The following HNF4A variants were observed in gnomAD, a reference collection of about 807,000 sequenced individuals.
The protein encoded by HNF4A is hepatocyte nuclear factor 4-alpha.
In HNF4A, 15 loss-of-function variants were observed where a neutral mutation model predicts 52.4. The ratio of observed to expected loss-of-function variants is 0.29; its 90% CI spans 0.19 to 0.44. The LOEUF (loss-of-function observed/expected upper bound fraction) is 0.44. Ranked by LOEUF, HNF4A falls within the 20% of genes least tolerant of loss-of-function variation. The probability of loss-of-function intolerance (pLI) is 1.00; values close to 1 mark genes in which losing one functional copy is unlikely to be tolerated. For synonymous variants in HNF4A, 280 were observed against 264.4 expected, an observed-to-expected ratio of 1.06 and a Z score of -0.57; for missense variants, 479 against 647.2, an observed-to-expected ratio of 0.74 and a Z score of 2.82.
chr20:44,410,910 G>T (rs1299375398), intron 3 of HNF4A, among the ~76,000 whole-genome samples: 2 of 152,020 alleles, frequency 1.3e-5, no homozygotes, highest in Non-Finnish European at 2.9e-5. Flanking sequence ...CACAGAGAGG[G>T]GCTTCAGGTC....
At chr20:44,390,449 C>T (rs2063288173) in intron 1 of HNF4A, 2 of 584,084 alleles carry the variant, frequency 3.4e-6, no homozygotes, top group Non-Finnish European at 3.1e-6. Context: ...TTGCATGGAT[C>T]CTGGACAGGT....
chr20:44,406,958 G>A (rs1302935377), intron 2 of HNF4A, among the ~76,000 whole-genome samples: 1 of 152,176 alleles, frequency 6.6e-6, no homozygotes, highest in Non-Finnish European at 1.5e-5. Flanking sequence ...CCACGGTGTG[G>A]CACTGCCTCT....
At chr20:44,367,073 C>G (rs369106265) in intron 1 of HNF4A, among the ~76,000 whole-genome samples, 1 of 152,170 alleles carries the variant, frequency 6.6e-6, no homozygotes, top group African/African-American at 2.4e-5. Flanking sequence ...CGGTGGCTCA[C>G]GCCTGTAATC....
chr20:44,413,857 C>A, intron 4 of HNF4A, 57 bp downstream of exon 4: 1 of 1,107,110 alleles, frequency 9.0e-7, no homozygotes, highest in Admixed American at 1.9e-5. Context: ...GAGGAGCTCA[C>A]CTCCTCCACC....
At chr20:44,417,049 C>T (rs774427476) in intron 5 of HNF4A, among the ~76,000 whole-genome samples, 7 of 152,234 alleles carry the variant, frequency 4.6e-5, no homozygotes, top group Non-Finnish European at 8.8e-5. Flanking sequence ...CCTTGTCTCT[C>T]GTTTTTAAAC....
chr20:44,362,528 C>T (rs546976938), intron 1 of HNF4A, among the ~76,000 whole-genome samples: 2 of 150,672 alleles, frequency 1.3e-5, no homozygotes, highest in East Asian at 3.9e-4. Flanking sequence ...TCAATGATAA[C>T]GAAAGGAATT....
In HNF4A at chr20:44,414,555, A is replaced by T. The variant is rs1367387825; in HGVS notation, c.541A>T (p.Ile181Phe). The change falls in exon 5 of 10, where the codon ATT becomes TTT. Residue 181 changes from isoleucine to phenylalanine, a missense_variant. Physicochemically the swap from Ile to Phe is conservative, Grantham distance 21 (BLOSUM62 0). This residue lies in a region of HNF4A where 389 missense variants were observed against 525.1 expected (regional missense o/e 0.74). Coordinates refer to ENST00000316099, the MANE Select transcript of HNF4A (RefSeq NM_000457.6). ...CAACGGCGACATTCGGGCGAAGAAG[A>T]TTGCCAGCATCGCAGATGTGTGTGA... The T allele has an allele frequency of 6.2e-7, 1 of 1,614,204 alleles. No homozygotes were observed.
upstream of HNF4A, chr20:44,401,165 G>A (rs530469414): frequency 5.6e-6 from 8 of 1,439,992 alleles, no homozygotes; most frequent in Admixed American, 7.2e-5. Flanking sequence ...GCGGGGGACC[G>A]ATTAACCATT....
At chr20:44,392,583 A>G (rs7263303) in intron 1 of HNF4A, among the ~76,000 whole-genome samples, 11,735 of 152,174 alleles carry the variant, frequency 0.077, 733 homozygotes, top group African/African-American at 0.18. Context: ...GGTTCAAGTA[A>G]ACCTCCCATC....
intron 1 of HNF4A, among the ~76,000 whole-genome samples, chr20:44,389,027 C>T (rs1034845530): frequency 7.9e-5 from 12 of 152,172 alleles, no homozygotes; most frequent in African/African-American, 2.9e-4. Context: ...ACTTAGCAGC[C>T]CCACTCCCTC....
At chr20:44,419,678 C>T (rs1217864654) in intron 6 of HNF4A, 43 bp from the exon 7 acceptor site, 1 of 1,605,890 alleles carries the variant, frequency 6.2e-7, no homozygotes, top group Non-Finnish European at 8.5e-7. Context: ...GAGGGGTCAA[C>T]CCAAGGTGAC....
chr20:44,419,634 C>G (rs2063715834), intron 6 of HNF4A, 87 bp from the exon 7 acceptor site: 1 of 1,263,034 alleles, frequency 7.9e-7, no homozygotes. Context: ...CAGGCACCAG[C>G]TATCTTGCCA....
At chr20:44,415,472 C>T (rs566285624) in intron 5 of HNF4A, among the ~76,000 whole-genome samples, 25 of 152,248 alleles carry the variant, frequency 1.6e-4, no homozygotes, top group African/African-American at 5.1e-4. Context: ...AGATGAATTT[C>T]GGAGATGCCA....
chr20:44,397,371 T>A (rs1353127907), upstream of HNF4A, among the ~76,000 whole-genome samples: 1 of 152,186 alleles, frequency 6.6e-6, no homozygotes, highest in South Asian at 2.1e-4. Flanking sequence ...ACATAATAAT[T>A]GTACATATAT....
At chr20:44,382,245 CT>C (rs5841553) in intron 1 of HNF4A, among the ~76,000 whole-genome samples, 34 of 145,812 alleles carry the variant, frequency 2.3e-4, no homozygotes, top group African/African-American at 2.0e-4. Flanking sequence ...TTCTTTCTTT[CT>C]TTTTTTTTTT....
At chr20:44,401,133 G>A, upstream of HNF4A, 1 of 1,283,644 alleles carries the variant, frequency 7.8e-7, no homozygotes, top group Non-Finnish European at 1.0e-6. Flanking sequence ...AATCCCTGCA[G>A]CCCCGCCCAG....
chr20:44,407,192 A>G (rs2063512997), intron 2 of HNF4A, among the ~76,000 whole-genome samples, 189 bp from the exon 3 acceptor site: 1 of 152,178 alleles, frequency 6.6e-6, no homozygotes, highest in Non-Finnish European at 1.5e-5. Context: ...CATGTTTAGC[A>G]GGACAGGACT....
At chr20:44,362,542 T>C (rs2062928486) in intron 1 of HNF4A, among the ~76,000 whole-genome samples, 1 of 152,198 alleles carries the variant, frequency 6.6e-6, no homozygotes, top group Non-Finnish European at 1.5e-5. Context: ...AGGAATTTGT[T>C]TTCATTTAAG....
chr20:44,387,668 A>AGGGGGGGGGGGG (rs2063245830), intron 1 of HNF4A, among the ~76,000 whole-genome samples: 1 of 5,236 alleles, frequency 1.9e-4, no homozygotes, highest in African/African-American at 6.9e-4. Context: ...GGGGGGGGGG[A>AGGGGGGGGGGGG]GGCGGGGGGG....
Sources: gnomAD v4.1 joint callset for allele counts (sites outside exome capture counted in the v4.1 genomes callset) on GRCh38, gnomAD v4.1.1 for gene constraint, gnomAD v4.1.1 regional missense constraint, MANE v1.5 for transcripts, NCBI Gene and HGNC (gene_info 2026-07-23, HGNC 2026-07-21) for gene names.